PERP: variants seen among roughly 807,000 people sequenced by gnomAD.
PERP encodes p53 apoptosis effector related to PMP22, also known as p53 apoptosis effector related to PMP-22.
Under a neutral mutation model 20.3 loss-of-function variants are expected in PERP, and 11 were observed. The observed-to-expected ratio is 0.54, with a 90% CI of 0.34 to 0.90. The LOEUF is 0.90. Among genes scored for constraint, PERP ranks in the 40% least tolerant of loss-of-function variants. PERP has a pLI of 0.02. For synonymous variants in PERP, 101 were observed against 102.0 expected (o/e 0.99, Z 0.06); for missense variants, 224 against 249.4 (o/e 0.90, Z 0.69).
In PERP at chr6:138,090,722, C is replaced by G. The variant is rs777860862; in HGVS notation, c.*1320G>C. On this transcript the variant is annotated 3_prime_UTR_variant, in exon 3 of 3. Coordinates refer to ENST00000421351, the MANE Select transcript of PERP (RefSeq NM_022121.5). ...TCATTATATCCCATGTTCTTATTACCCATTTTTTTTTTAATTCCTTTCCCC... is the reference window on the plus strand; with the variant it reads ...TCATTATATCCCATGTTCTTATTACGCATTTTTTTTTTAATTCCTTTCCCC... 7 of 147,182 alleles carry G rather than the reference C, an allele frequency of 4.8e-5. No homozygotes were observed. The highest frequency in any genetic ancestry group is 1.1e-4 in the Non-Finnish European group (7 of 64,772). The allele number at this position is 147,182 out of a possible 1,614,324, so 9.1% of individuals were successfully genotyped here.
chr6:138,103,701 A>T (rs948121213), intron 1 of PERP, among the ~76,000 whole-genome samples: 8 of 152,220 alleles, frequency 5.3e-5, no homozygotes, highest in African/African-American at 1.9e-4. Flanking sequence ...ATAATGTAGA[A>T]TCAGTGGGAG....
Position 138,091,670 on chromosome 6 carries a change from C to T in PERP, c.*372G>A. The T allele has an allele frequency of 5.9e-6, 1 of 170,934 alleles. No individual in the cohort carries two copies. Among genetic ancestry groups the T allele is most frequent in the Admixed American group, 5.8e-5 (1 of 17,122 alleles). The allele number at this position is 170,934 out of a possible 1,614,324, so 10.6% of individuals were successfully genotyped here. On this transcript the variant is annotated 3_prime_UTR_variant, in exon 3 of 3. Coordinates refer to ENST00000421351, the MANE Select transcript of PERP (RefSeq NM_022121.5). ...TAGCCCTTAACAGACCGAGTCCATT[C>T]TATTTGGAAATAACAAGAACTTGAT...
intron 1 of PERP, 136 bp downstream of exon 1, chr6:138,106,991 G>A (rs1775853096): frequency 1.3e-6 from 1 of 798,102 alleles, no homozygotes; most frequent in Non-Finnish European, 1.9e-6. Flanking sequence ...ATGAGCCCGA[G>A]CTCGTCCTAA....
chr6:138,093,976 G>A (rs976936951), intron 2 of PERP, among the ~76,000 whole-genome samples: 2 of 152,288 alleles, frequency 1.3e-5, no homozygotes, highest in Admixed American at 1.3e-4. Flanking sequence ...CTGTTAAGCT[G>A]TAAATCTGTT....
chr6:138,103,165 T>C (rs1775799582), intron 1 of PERP, among the ~76,000 whole-genome samples: 1 of 152,028 alleles, frequency 6.6e-6, no homozygotes, highest in Admixed American at 6.6e-5. Flanking sequence ...TTGTATTTTT[T>C]TGGAGACTGA....
chr6:138,098,773 T>C (rs941614597), intron 1 of PERP, among the ~76,000 whole-genome samples: 1 of 152,170 alleles, frequency 6.6e-6, no homozygotes, highest in Non-Finnish European at 1.5e-5. Flanking sequence ...CTAGAAACAC[T>C]GTTTTCACAC....
intron 2 of PERP, among the ~76,000 whole-genome samples, chr6:138,094,087 A>C (rs1775635942): frequency 6.6e-6 from 1 of 152,236 alleles, no homozygotes; most frequent in Non-Finnish European, 1.5e-5. Flanking sequence ...ACAAGAAAGC[A>C]ATGGATAAAA....
chr6:138,097,578 G>T (rs1012559882), intron 1 of PERP, among the ~76,000 whole-genome samples: 2 of 152,110 alleles, frequency 1.3e-5, no homozygotes, highest in East Asian at 1.9e-4. Context: ...TACCTGAGTA[G>T]TGTAAATCTC....
intron 2 of PERP, among the ~76,000 whole-genome samples, chr6:138,094,201 A>C (rs1272797703): frequency 6.6e-6 from 1 of 152,162 alleles, no homozygotes; most frequent in Non-Finnish European, 1.5e-5. Flanking sequence ...GTATTAAATG[A>C]ATTCACAATG....
chr6:138,097,308 C>T (rs1490078257), intron 1 of PERP, among the ~76,000 whole-genome samples: 2 of 152,156 alleles, frequency 1.3e-5, no homozygotes, highest in East Asian at 1.9e-4. Flanking sequence ...GCTATCCACA[C>T]GAATGATTCC....
intron 1 of PERP, among the ~76,000 whole-genome samples, chr6:138,103,784 GTACT>G (rs1263117761): frequency 2.0e-5 from 3 of 152,282 alleles, no homozygotes; most frequent in Admixed American, 6.5e-5. Context: ...CTATTAACTT[GTACT>G]TACTTTTCTT....
chr6:138,102,173 A>T (rs534742627), intron 1 of PERP, among the ~76,000 whole-genome samples: 16 of 152,368 alleles, frequency 1.1e-4, no homozygotes, highest in Admixed American at 3.9e-4. Flanking sequence ...GCATGGTCTC[A>T]TGAAACTGAC....
In PERP at chr6:138,107,200, C is replaced by A. The variant is rs1775858324; in HGVS notation, c.141G>T (p.Leu47=). The A allele has an allele frequency of 6.2e-7, 1 of 1,612,460 alleles. No individual in the cohort carries two copies. The highest frequency in any genetic ancestry group is 1.7e-5 in the Admixed American group (1 of 60,020). Residue 47 remains leucine, a synonymous_variant, in exon 1 of 3, where the codon CTG becomes CTT. Transcript: ENST00000421351. This position sits in a 1 kb window ranked among gnomAD's most constrained non-coding sequence, Gnocchi z 4.8. ...CGCCCTCTTGGGAGCATTTCCACCA[C>A]AGCGAGGACGTCTGGCCGTGGTCGC... ...QSSDHGQTSS[L]WWKCSQEGGG...
intron 1 of PERP, among the ~76,000 whole-genome samples, chr6:138,101,085 G>C (rs1191985756): frequency 6.6e-6 from 1 of 152,160 alleles, no homozygotes; most frequent in African/African-American, 2.4e-5. Flanking sequence ...TGTCAAGCTA[G>C]AAATAGGCCA....
chr6:138,093,237 C>T (rs1002458880), intron 2 of PERP, among the ~76,000 whole-genome samples: 1 of 152,142 alleles, frequency 6.6e-6, no homozygotes, highest in East Asian at 1.9e-4. Flanking sequence ...CCATAAGACA[C>T]TACTCTCCAC....
rs1474771644 is a variant in PERP at position 138,091,721 on chromosome 6, A to G, written c.*321T>C. On this transcript the variant is annotated 3_prime_UTR_variant, in exon 3 of 3. Transcript: ENST00000421351. ...CAGATTATTAAATCTTGGAAACCTC[A>G]TTTTTACCTTATAAAGTGTTAAGTT... is the stretch of plus-strand genomic sequence containing the variant. The G allele has an allele frequency of 2.5e-5, 5 of 196,858 alleles. No homozygotes were observed. The highest frequency in any genetic ancestry group is 5.5e-5 in the Admixed American group (1 of 18,122). 12.2% of individuals were successfully genotyped at this position (196,858 alleles called of 1,614,324 possible).
intron 1 of PERP, among the ~76,000 whole-genome samples, chr6:138,103,760 T>G (rs539074764): frequency 6.6e-6 from 1 of 152,340 alleles, no homozygotes; most frequent in East Asian, 1.9e-4. Context: ...AAGAGGAATT[T>G]AGACTAATGT....
In PERP at chr6:138,107,358, G is replaced by A. The variant is rs1319921133; in HGVS notation, c.-18C>T. On this transcript the variant is annotated 5_prime_UTR_variant, in exon 1 of 3. Transcript: ENST00000421351. The surrounding 1 kb of genome is among the most constrained non-coding windows in gnomAD (Gnocchi z 4.8). ...CGGATCATGTTGACGGGCGGCGCGG[G>A]GCCGAGCGGAGCGGAGCGGAGCGGG... is the stretch of plus-strand genomic sequence containing the variant. The A allele has an allele frequency of 6.4e-7, 1 of 1,573,944 alleles. No individual in the cohort carries two copies. The highest frequency in any genetic ancestry group is 8.6e-7 in the Non-Finnish European group (1 of 1,165,866).
At chr6:138,099,918 A>C (rs1283630016) in intron 1 of PERP, among the ~76,000 whole-genome samples, 1 of 152,250 alleles carries the variant, frequency 6.6e-6, no homozygotes, top group South Asian at 2.1e-4. Context: ...AGTCTAAAGA[A>C]AATCAAAATG....
Sources: gnomAD v4.1 joint callset for allele counts (sites outside exome capture counted in the v4.1 genomes callset) on GRCh38, gnomAD v4.1.1 for gene constraint, Gnocchi (gnomAD v3.1) non-coding constraint, MANE v1.5 for transcripts, NCBI Gene and HGNC (gene_info 2026-07-23, HGNC 2026-07-21) for gene names.